Variants in USP4 observed in about 807,000 individuals in gnomAD.
USP4 encodes ubiquitin specific peptidase 4.
A neutral mutation model predicts 118.2 loss-of-function variants in USP4; 72 were observed. The ratio of observed to expected loss-of-function variants is 0.61; its 90% CI spans 0.50 to 0.74. The LOEUF (loss-of-function observed/expected upper bound fraction) is 0.74, where lower values mean the gene tolerates loss of function less well. USP4 is among the 30% of genes least tolerant of loss of function. The pLI is 0.00. For missense variants in USP4, 1,037 were observed against 1,185.7 expected, an observed-to-expected ratio of 0.87 and a Z score of 1.84; for synonymous variants, 415 against 440.4, an observed-to-expected ratio of 0.94 and a Z score of 0.72.
At chr3:49,285,960 A>G in intron 16 of USP4, 138 bp downstream of exon 16, 1 of 790,634 alleles carries the variant, frequency 1.3e-6, no homozygotes, top group South Asian at 1.8e-5. Context: ...GGGGGCTTCA[A>G]GCCAAGGGTC....
intron 1 of USP4, among the ~76,000 whole-genome samples, chr3:49,337,973 G>A (rs962378288): frequency 6.7e-6 from 1 of 150,270 alleles, no homozygotes; most frequent in African/African-American, 2.5e-5. Flanking sequence ...TTGAACCCGG[G>A]AGGCAGAGAT....
intron 6 of USP4, chr3:49,317,354 C>T (rs899852905): frequency 1.7e-6 from 2 of 1,202,244 alleles, no homozygotes; most frequent in Admixed American, 2.0e-5. Flanking sequence ...TTCTTGTCCT[C>T]CTCCTGCTGG....
chr3:49,286,816 CTCTA>C (rs57920190), intron 15 of USP4, among the ~76,000 whole-genome samples: 22,250 of 141,160 alleles, frequency 0.16, 1,756 homozygotes, highest in South Asian at 0.2. Flanking sequence ...ACTCTAGCCA[CTCTA>C]TCTATCTATC....
In USP4 at chr3:49,278,844, G is replaced by T. The variant is rs745532309; in HGVS notation, c.2703C>A (p.Asn901Lys). ...NGKWYYFDDSNVSLASEDQIV... is the reference protein window; with the variant it reads ...NGKWYYFDDSKVSLASEDQIV... ...TCTGATCCTCAGAGGCCAGGGACAC[G>T]TTGCTATCATCAAAGTAATACCATT... The change falls in exon 21 of 22, where the codon AAC becomes AAA. Residue 901 changes from asparagine to lysine, a missense_variant. Around this residue, in one of 3 missense-constraint regions of USP4, gnomAD observed 522 missense variants for 592.6 expected, o/e 0.88. Coordinates refer to ENST00000265560, the MANE Select transcript of USP4 (RefSeq NM_003363.4). The T allele has an allele frequency of 1.2e-6, 2 of 1,612,916 alleles. No homozygotes were observed. The highest frequency in any genetic ancestry group is 2.2e-5 in the South Asian group (2 of 90,858).
intron 16 of USP4, among the ~76,000 whole-genome samples, 191 bp downstream of exon 16, chr3:49,285,907 G>A (rs980611887): frequency 6.6e-6 from 1 of 152,120 alleles, no homozygotes; most frequent in African/African-American, 2.4e-5. Flanking sequence ...GAGGACTGAG[G>A]AGAAAAGCCT....
chr3:49,280,814 C>T lies in USP4; in HGVS notation c.2574G>A (p.Leu858=), dbSNP rs2047015313. ...GLNMSEFVCN[L]SARPYVYDLI... ...GGTCGTACACATAAGGCCTTGCTGA[C>T]AGGTTACAGACAAACTCGGACATGT... Residue 858 remains leucine (L), a synonymous_variant, in exon 20 of 22, where the codon CTG becomes CTA. Transcript: ENST00000265560. The T allele has an allele frequency of 1.2e-6, 2 of 1,614,016 alleles. No homozygotes were observed. Among genetic ancestry groups the T allele is most frequent in the African/African-American group, 1.3e-5 (1 of 74,918 alleles).
At chr3:49,302,585 A>G (rs1296343842) in intron 9 of USP4, 43 bp from the exon 10 acceptor site, 3 of 1,578,546 alleles carry the variant, frequency 1.9e-6, no homozygotes, top group South Asian at 2.3e-5. Flanking sequence ...ATACGTAAAG[A>G]ACTAGTTAAA....
At chr3:49,322,530 T>C (rs2047513022) in intron 6 of USP4, among the ~76,000 whole-genome samples, 1 of 152,198 alleles carries the variant, frequency 6.6e-6, no homozygotes, top group African/African-American at 2.4e-5. Context: ...TAGTGTTGCC[T>C]GACTTGTTTG....
At chr3:49,303,154 G>A (rs1026096631) in intron 9 of USP4, among the ~76,000 whole-genome samples, 5 of 152,116 alleles carry the variant, frequency 3.3e-5, no homozygotes, top group Non-Finnish European at 7.4e-5. Context: ...ATCCTATGGA[G>A]AACCAGCCAG....
Position 49,278,158 on chromosome 3 carries a change from T to C in USP4, c.*135A>G. 1 of 980,400 alleles carries C rather than the reference T, an allele frequency of 1.0e-6. No individual in the cohort carries two copies. Among genetic ancestry groups the C allele is most frequent in the Non-Finnish European group, 1.4e-6 (1 of 707,860 alleles). 60.7% of individuals were successfully genotyped at this position (980,400 alleles called of 1,614,324 possible). The stretch of plus-strand genomic sequence containing the variant: ...AACGGTCTTCTTTTTTTTTTTTTGT[T>C]TCCTTCTGCTCATAAAAGAAGGGTA... On this transcript the variant is annotated 3_prime_UTR_variant, in exon 22 of 22. Coordinates refer to ENST00000265560, the MANE Select transcript of USP4 (RefSeq NM_003363.4).
At chr3:49,333,810 G>A (rs1265464527) in intron 2 of USP4, among the ~76,000 whole-genome samples, 2 of 152,112 alleles carry the variant, frequency 1.3e-5, no homozygotes, top group South Asian at 2.1e-4. Flanking sequence ...GGCTGAGGTC[G>A]GGAGTTCAAG....
intron 8 of USP4, among the ~76,000 whole-genome samples, chr3:49,309,754 G>A (rs191568203): frequency 6.8e-6 from 1 of 147,922 alleles, no homozygotes; most frequent in Admixed American, 7.0e-5. Context: ...AGCCTCCCAA[G>A]AAGCTTGGAT....
intron 1 of USP4, among the ~76,000 whole-genome samples, chr3:49,338,091 T>A (rs2047691259): frequency 6.8e-6 from 1 of 146,264 alleles, no homozygotes; most frequent in East Asian, 2.1e-4. Context: ...TATGCTGTTT[T>A]ACAATTAAAA....
At position 49,327,808 on chromosome 3, in the gene USP4, T is replaced by A; in HGVS notation, c.238A>T (p.Ser80Cys). 6.2e-7 allele frequency: 1 copy of A among 1,613,570 alleles called. No homozygotes were observed. The highest frequency in any genetic ancestry group is 8.5e-7 in the Non-Finnish European group (1 of 1,179,588). ...ATTAAGTGTTCTTTCAAGGTCTGAC[T>A]CTCAGGATCTAAAAAAGGAAAAGAG... ...DNSGLFSDPE[S>C]QTLKEHLIDE... Residue 80 changes from serine (S) to cysteine (C), a missense_variant, in exon 3 of 22, where the codon AGT becomes TGT. By Grantham distance (112) the Ser-to-Cys change is moderately radical. This residue lies in a region of USP4 where 487 missense variants were observed against 534.1 expected (regional missense o/e 0.91). Transcript: ENST00000265560.
chr3:49,295,736 C>CACACACACACACACACACA (rs1336643836), intron 13 of USP4, among the ~76,000 whole-genome samples: 33 of 142,954 alleles, frequency 2.3e-4, no homozygotes, highest in African/African-American at 8.3e-4. Context: ...ACACACACAC[C>CACACACACACACACACACA]CCCCCCTCCC....
At chr3:49,330,200 A>AAACAAACAAAC (rs754135910) in intron 2 of USP4, among the ~76,000 whole-genome samples, 5 of 151,766 alleles carry the variant, frequency 3.3e-5, no homozygotes, top group African/African-American at 1.2e-4. Context: ...ACAAACAAAC[A>AAACAAACAAAC]AAAAAAGTTG....
In USP4 at chr3:49,314,661, G is replaced by A. The variant is rs191919241; in HGVS notation, c.696-3007C>T. On this transcript the variant is annotated intron_variant, in intron 6 of 21. Coordinates refer to ENST00000265560, the MANE Select transcript of USP4 (RefSeq NM_003363.4). Reference sequence around the variant, plus strand: ...CAAATTCTGATGCACAGAACCTCAAGATATATAGTATGGCACTCCTCTTCT... The same window carrying A: ...CAAATTCTGATGCACAGAACCTCAAAATATATAGTATGGCACTCCTCTTCT... Among the ~76,000 whole-genome samples, 99 of 152,320 alleles carry A rather than the reference G, an allele frequency of 6.5e-4. 1 individual carries two copies. The highest frequency in any genetic ancestry group is 1.2e-3 in the Non-Finnish European group (84 of 68,040).
chr3:49,297,800 T>C, intron 13 of USP4, 70 bp downstream of exon 13: 1 of 1,281,830 alleles, frequency 7.8e-7, no homozygotes, highest in South Asian at 1.2e-5. Flanking sequence ...GTTCTGGAGA[T>C]ATGAATGCAG....
intron 19 of USP4, among the ~76,000 whole-genome samples, chr3:49,283,214 C>T (rs1337915592): frequency 6.0e-5 from 9 of 151,208 alleles, no homozygotes; most frequent in Non-Finnish European, 2.9e-5. Flanking sequence ...TGGGGTTTCA[C>T]CATGTTGGCC....
Sources: gnomAD v4.1 joint callset for allele counts (sites outside exome capture counted in the v4.1 genomes callset) on GRCh38, gnomAD v4.1.1 for gene constraint, gnomAD v4.1.1 regional missense constraint, MANE v1.5 for transcripts, NCBI Gene and HGNC (gene_info 2026-07-23, HGNC 2026-07-21) for gene names.